NAALADL2: variants seen among roughly 807,000 people sequenced by gnomAD.
NAALADL2 encodes the protein N-acetylated alpha-linked acidic dipeptidase like 2, also known as inactive N-acetylated-alpha-linked acidic dipeptidase-like protein 2.
In NAALADL2, 76 loss-of-function variants were observed where a neutral mutation model predicts 87.2. The observed-to-expected ratio is 0.87, with a 90% CI of 0.72 to 1.05. The LOEUF (loss-of-function observed/expected upper bound fraction) is 1.05. NAALADL2 is among the 50% of genes least tolerant of loss of function. The pLI is 0.00. For missense variants in NAALADL2, 1,089 were observed against 945.8 expected (o/e 1.15, Z -1.99); for synonymous variants, 354 against 331.0 (o/e 1.07, Z -0.75).
intron 1 of NAALADL2, among the ~76,000 whole-genome samples, chr3:174,945,227 CAT>C (rs1739229925): frequency 6.6e-6 from 1 of 152,160 alleles, no homozygotes; most frequent in Non-Finnish European, 1.5e-5. Flanking sequence ...CTTTTTCAAA[CAT>C]AATCAAATTT....
At chr3:175,645,292 C>T (rs376003234) in intron 11 of NAALADL2, among the ~76,000 whole-genome samples, 2 of 152,182 alleles carry the variant, frequency 1.3e-5, no homozygotes, top group East Asian at 1.9e-4. Flanking sequence ...TTACTAAACA[C>T]ATTCTAAGTG....
intron 11 of NAALADL2, among the ~76,000 whole-genome samples, chr3:175,629,362 CTA>C (rs892176357): frequency 4.1e-4 from 55 of 135,462 alleles, no homozygotes; most frequent in Admixed American, 1.2e-3. Context: ...ATATACATTC[CTA>C]TATATATATG....
At chr3:174,915,139 T>C (rs1455903197) in intron 1 of NAALADL2, among the ~76,000 whole-genome samples, 1 of 152,224 alleles carries the variant, frequency 6.6e-6, no homozygotes, top group Non-Finnish European at 1.5e-5. Context: ...ACAAATGGTT[T>C]AATTGTAAAG....
rs868670428 is a variant in NAALADL2 at position 174,564,511 on chromosome 3, G to C, written c.-115+13874G>C. On this transcript the variant is annotated intron_variant, in intron 2 of 3. Transcript: ENST00000434257. Reference sequence around the variant, plus strand: ...GATTGTATGGTTTAGTGATGTACATGAAATTAATTTTGTTAAATTTATTGT... The same window carrying C: ...GATTGTATGGTTTAGTGATGTACATCAAATTAATTTTGTTAAATTTATTGT... Among the ~76,000 whole-genome samples the C allele has an allele frequency of 7.9e-5, 12 of 152,082 alleles. No individual in the cohort carries two copies. In the South Asian group the frequency reaches 1.2e-3, roughly 16 times the overall value.
At chr3:175,096,652 G>T in intron 1 of NAALADL2, 138 bp from the exon 2 acceptor site, 1 of 424,998 alleles carries the variant, frequency 2.4e-6, no homozygotes, top group Non-Finnish European at 4.0e-6. Context: ...AATAAAATAT[G>T]AGTTTCTATA....
chr3:174,545,177 C>T (rs1265741092), intron 1 of NAALADL2, among the ~76,000 whole-genome samples: 1 of 152,154 alleles, frequency 6.6e-6, no homozygotes, highest in Non-Finnish European at 1.5e-5. Flanking sequence ...TGTGCCTTGC[C>T]TCAATAACCT....
At chr3:174,781,646 A>G (rs1715993355) in intron 3 of NAALADL2, among the ~76,000 whole-genome samples, 2 of 152,062 alleles carry the variant, frequency 1.3e-5, no homozygotes, top group Non-Finnish European at 2.9e-5. Flanking sequence ...TGAAGTTAGA[A>G]TTAAAAGATG....
At chr3:174,815,254 G>A (rs992905179) in intron 3 of NAALADL2, among the ~76,000 whole-genome samples, 2 of 152,016 alleles carry the variant, frequency 1.3e-5, no homozygotes, top group Admixed American at 6.6e-5. Flanking sequence ...ATATTTTCTC[G>A]GAGTGCTGGA....
rs1754691997 is a variant in NAALADL2 at position 175,806,253 on chromosome 3, G to A, written c.*3050G>A. The A allele has an allele frequency of 6.6e-6, 1 of 151,810 alleles. No homozygotes were observed. Among genetic ancestry groups the A allele is most frequent in the Non-Finnish European group, 1.5e-5 (1 of 67,880 alleles). The allele number at this position is 151,810 out of a possible 1,614,324, so 9.4% of individuals were successfully genotyped here. Reference sequence around the variant, plus strand: ...AAGGACACAAAGACTGGGTACTTGAGAGAAAGTGGGGAGAATCCTTACAGA... The same window carrying A: ...AAGGACACAAAGACTGGGTACTTGAAAGAAAGTGGGGAGAATCCTTACAGA... On this transcript the variant is annotated 3_prime_UTR_variant, in exon 14 of 14. Coordinates refer to ENST00000454872, the MANE Select transcript of NAALADL2 (RefSeq NM_207015.3).
At chr3:174,465,014 A>T (rs1196118603) in intron 1 of NAALADL2, among the ~76,000 whole-genome samples, 1 of 152,096 alleles carries the variant, frequency 6.6e-6, no homozygotes, top group African/African-American at 2.4e-5. Flanking sequence ...TTGGTATCTT[A>T]CTTCAGGAAC....
chr3:175,606,425 G>A (rs540830491), intron 10 of NAALADL2, among the ~76,000 whole-genome samples: 121 of 150,974 alleles, frequency 8.0e-4, no homozygotes, highest in African/African-American at 2.7e-3. Context: ...TTGCTGCTGC[G>A]GATGTCAGAA....
chr3:175,690,761 A>G (rs1736937588), intron 11 of NAALADL2, among the ~76,000 whole-genome samples: 1 of 149,204 alleles, frequency 6.7e-6, no homozygotes, highest in Non-Finnish European at 1.5e-5. Flanking sequence ...ATGATAATTA[A>G]TTACATTAAT....
At chr3:175,162,899 T>C (rs1733447493) in intron 2 of NAALADL2, among the ~76,000 whole-genome samples, 1 of 152,236 alleles carries the variant, frequency 6.6e-6, no homozygotes, top group Non-Finnish European at 1.5e-5. Flanking sequence ...TTTCTGACCA[T>C]ACAAATATAT....
At chr3:174,919,096 T>G (rs992169638) in intron 1 of NAALADL2, among the ~76,000 whole-genome samples, 1 of 152,162 alleles carries the variant, frequency 6.6e-6, no homozygotes, top group African/African-American at 2.4e-5. Context: ...ATCCTAGCAG[T>G]ATTACAACTT....
intron 4 of NAALADL2, among the ~76,000 whole-genome samples, chr3:175,273,168 G>T (rs977485859): frequency 6.6e-5 from 10 of 151,890 alleles, no homozygotes; most frequent in African/African-American, 2.2e-4. Context: ...TTTATAATTT[G>T]CCTCTAGGTT....
At chr3:175,028,424 C>T (rs924157304) in intron 1 of NAALADL2, among the ~76,000 whole-genome samples, 8 of 151,832 alleles carry the variant, frequency 5.3e-5, no homozygotes, top group African/African-American at 1.7e-4. Context: ...TTAAGATTCC[C>T]GGTATGTCCT....
chr3:175,807,026 C>T lies in NAALADL2; in HGVS notation c.*3823C>T, dbSNP rs774329752. 3 of 151,656 alleles carry T rather than the reference C, an allele frequency of 2.0e-5. No homozygotes were observed. The highest frequency in any genetic ancestry group is 2.1e-4 in the South Asian group (1 of 4,820). The allele number at this position is 151,656 out of a possible 1,614,324, so 9.4% of individuals were successfully genotyped here. A position where few individuals can be genotyped will look rare whatever the true frequency, so the allele number is the denominator to read the frequency against. ...TGATGGTAGCCCACTCCAACAAAGG[C>T]GTATATATGTAGGCAAGTTTGAAGA... On this transcript the variant is annotated 3_prime_UTR_variant, in exon 14 of 14. Transcript: ENST00000454872.
intron 9 of NAALADL2, among the ~76,000 whole-genome samples, chr3:175,528,803 A>C (rs1235829657): frequency 3.9e-5 from 6 of 152,254 alleles, no homozygotes; most frequent in African/African-American, 1.4e-4. Context: ...AAAAGGAAAT[A>C]AAATGAAGAT....
chr3:175,024,717 T>C (rs73034416), intron 1 of NAALADL2, among the ~76,000 whole-genome samples: 5,791 of 151,442 alleles, frequency 0.038, 349 homozygotes, highest in African/African-American at 0.13. Flanking sequence ...GTAATTATCT[T>C]ATTTTTTTTC....
Sources: allele counts gnomAD v4.1 joint callset (sites outside exome capture counted in the v4.1 genomes callset), GRCh38; gene constraint gnomAD v4.1.1; transcripts MANE v1.5; gene names NCBI Gene and HGNC (gene_info 2026-07-23, HGNC 2026-07-21).